The following CNTN3 variants were observed in gnomAD, a reference collection of about 807,000 sequenced individuals.
The protein encoded by CNTN3 is contactin 3.
CNTN3 carries 60 observed loss-of-function variants against 119.1 expected under a neutral mutation model. That is an observed-to-expected ratio of 0.50 (90% confidence interval 0.41 to 0.62). The LOEUF (loss-of-function observed/expected upper bound fraction) is 0.62. CNTN3 is among the 20% of genes least tolerant of loss of function. The probability of loss-of-function intolerance (pLI) is 0.00; values close to 1 mark genes in which losing one functional copy is unlikely to be tolerated. For synonymous variants in CNTN3, 450 were observed against 438.7 expected, an observed-to-expected ratio of 1.03 and a Z score of -0.32; for missense variants, 1,101 against 1,242.4, an observed-to-expected ratio of 0.89 and a Z score of 1.71.
Position 74,547,103 on chromosome 3 carries a change from ATTAAT to A in CNTN3, c.-80-25916_-80-25912del, listed in dbSNP as rs1035163229. Among the ~76,000 whole-genome samples the A allele has an allele frequency of 3.3e-5, 5 of 152,186 alleles. No individual in the cohort carries two copies. The East Asian group carries it at 5.8e-4, about 18-fold the overall frequency. On this transcript the variant is annotated intron_variant, in intron 1 of 22. Transcript: ENST00000263665. ...TTCTTCCATAATTTTCCCTAATTTT[ATTAAT>A]TTAATTTTATTTACACATACATATA...
intron 21 of CNTN3, among the ~76,000 whole-genome samples, chr3:74,266,892 C>T (rs1441732996): frequency 6.6e-6 from 1 of 151,938 alleles, no homozygotes; most frequent in Non-Finnish European, 1.5e-5. Context: ...AGCTGGGCTG[C>T]GTATTTATGA....
intron 5 of CNTN3, among the ~76,000 whole-genome samples, chr3:74,396,108 G>A (rs9826695): frequency 0.032 from 4,836 of 152,028 alleles, 236 homozygotes; most frequent in African/African-American, 0.11. Context: ...CCTATTTGCC[G>A]AGACATAACA....
At chr3:74,528,359 G>A (rs1270661024) in intron 1 of CNTN3, among the ~76,000 whole-genome samples, 1 of 151,748 alleles carries the variant, frequency 6.6e-6, no homozygotes, top group Non-Finnish European at 1.5e-5. Context: ...TGCAATACCA[G>A]GAAGGAAACT....
chr3:74,593,161 A>T (rs1704733624), intron 1 of CNTN3, among the ~76,000 whole-genome samples: 1 of 151,986 alleles, frequency 6.6e-6, no homozygotes, highest in South Asian at 2.1e-4. Flanking sequence ...CTTTAGAACA[A>T]TTTATGACAA....
intron 4 of CNTN3, among the ~76,000 whole-genome samples, chr3:74,435,817 A>C (rs1221869907): frequency 6.6e-6 from 1 of 152,178 alleles, no homozygotes; most frequent in Non-Finnish European, 1.5e-5. Context: ...AGTCCCATTG[A>C]TTTCAAGTCC....
At chr3:74,457,756 G>T (rs1467699503) in intron 4 of CNTN3, among the ~76,000 whole-genome samples, 1 of 151,934 alleles carries the variant, frequency 6.6e-6, no homozygotes, top group Non-Finnish European at 1.5e-5. Flanking sequence ...GAAAAAAAAT[G>T]TTGCATGGCT....
chr3:74,602,226 T>C (rs565781152), intron 1 of CNTN3, among the ~76,000 whole-genome samples: 1 of 139,414 alleles, frequency 7.2e-6, no homozygotes, highest in Non-Finnish European at 1.5e-5. Flanking sequence ...AGCCTAGGAG[T>C]TCAAGCCTGC....
intron 4 of CNTN3, among the ~76,000 whole-genome samples, chr3:74,440,687 T>C (rs548651859): frequency 3.5e-4 from 54 of 152,278 alleles, no homozygotes; most frequent in African/African-American, 1.3e-3. Flanking sequence ...AGTACTGGGA[T>C]ACATGTGCAG....
intron 13 of CNTN3, among the ~76,000 whole-genome samples, chr3:74,304,336 A>G (rs1702517792): frequency 6.6e-6 from 1 of 152,220 alleles, no homozygotes; most frequent in Non-Finnish European, 1.5e-5. Flanking sequence ...TTAGAAATGT[A>G]TCCCCAGGAC....
intron 19 of CNTN3, among the ~76,000 whole-genome samples, chr3:74,290,399 G>A (rs543923753): frequency 6.6e-6 from 1 of 152,224 alleles, no homozygotes; most frequent in South Asian, 2.1e-4. Flanking sequence ...TGTTGTATGT[G>A]TCATCTGTCC....
At chr3:74,459,473 C>T (rs1411938899) in intron 4 of CNTN3, among the ~76,000 whole-genome samples, 1 of 152,040 alleles carries the variant, frequency 6.6e-6, no homozygotes, top group African/African-American at 2.4e-5. Flanking sequence ...TGGCTTTCTA[C>T]TGACTTCTGA....
At chr3:74,495,035 A>G (rs1703035453) in intron 3 of CNTN3, among the ~76,000 whole-genome samples, 1 of 151,972 alleles carries the variant, frequency 6.6e-6, no homozygotes, top group Non-Finnish European at 1.5e-5. Flanking sequence ...GGCACTGTAG[A>G]TATTCTTTAG....
chr3:74,338,231 T>C (rs183536786), intron 11 of CNTN3, among the ~76,000 whole-genome samples: 3 of 152,078 alleles, frequency 2.0e-5, no homozygotes, highest in Admixed American at 6.6e-5. Context: ...GTAGAATAAA[T>C]AGGAAAAATA....
chr3:74,598,133 G>A (rs973597739), intron 1 of CNTN3, among the ~76,000 whole-genome samples: 2 of 152,014 alleles, frequency 1.3e-5, no homozygotes, highest in Non-Finnish European at 2.9e-5. Flanking sequence ...CTTATGACAT[G>A]CTTTAACCAA....
At chr3:74,310,838 C>T (rs1184569932) in intron 13 of CNTN3, among the ~76,000 whole-genome samples, 2 of 152,118 alleles carry the variant, frequency 1.3e-5, no homozygotes, top group Non-Finnish European at 2.9e-5. Flanking sequence ...CTTTGGAAAA[C>T]ACAATCTGCC....
intron 20 of CNTN3, among the ~76,000 whole-genome samples, chr3:74,282,524 T>C (rs778616835): frequency 1.3e-5 from 2 of 152,166 alleles, no homozygotes; most frequent in African/African-American, 2.4e-5. Flanking sequence ...CTGGGCACTG[T>C]GGCTGGGTAA....
intron 5 of CNTN3, among the ~76,000 whole-genome samples, chr3:74,378,949 C>A (rs1398446656): frequency 6.6e-6 from 1 of 152,156 alleles, no homozygotes; most frequent in Non-Finnish European, 1.5e-5. Context: ...CTTTTTCTCT[C>A]TCTTGTTTTA....
At chr3:74,606,382 A>G (rs1030154118) in intron 1 of CNTN3, among the ~76,000 whole-genome samples, 8 of 151,806 alleles carry the variant, frequency 5.3e-5, no homozygotes, top group Admixed American at 2.6e-4. Context: ...ATGATTTGGG[A>G]TTAACTCTAT....
At chr3:74,411,774 A>G (rs905927510) in intron 5 of CNTN3, among the ~76,000 whole-genome samples, 2 of 152,070 alleles carry the variant, frequency 1.3e-5, no homozygotes, top group African/African-American at 4.8e-5. Context: ...CCCATCAATT[A>G]GATAGTCTTG....
Sources: allele counts gnomAD v4.1 joint callset (sites outside exome capture counted in the v4.1 genomes callset), GRCh38; gene constraint gnomAD v4.1.1; transcripts MANE v1.5; gene names NCBI Gene and HGNC (gene_info 2026-07-23, HGNC 2026-07-21).